Variants in GLB1L3 observed in about 807,000 individuals in gnomAD.
The protein encoded by GLB1L3 is beta-galactosidase-1-like protein 3.
GLB1L3 carries 89 observed loss-of-function variants against 89.5 expected under a neutral mutation model. That is an observed-to-expected ratio of 0.99 (90% CI 0.84 to 1.19). GLB1L3 has a LOEUF of 1.19. Ranked by LOEUF, GLB1L3 falls within the 50% of genes most tolerant of loss-of-function variation. GLB1L3 has a pLI of 0.00. For missense variants in GLB1L3, 812 were observed against 813.3 expected, an observed-to-expected ratio of 1.00 and a Z score of 0.02; for synonymous variants, 314 against 312.3, an observed-to-expected ratio of 1.01 and a Z score of -0.06.
At chr11:134,308,880 G>A (rs1280022148) in intron 10 of GLB1L3, among the ~76,000 whole-genome samples, 4 of 152,170 alleles carry the variant, frequency 2.6e-5, no homozygotes, top group Admixed American at 6.5e-5. Context: ...AAATAGTAAC[G>A]AGCACAGCCA....
At position 134,314,421 on chromosome 11, in the gene GLB1L3, G is replaced by C. The variant is rs1397531325; in HGVS notation, c.1759G>C (p.Asp587His). The change falls in exon 18 of 20, where the codon GAC (aspartate) becomes CAC (histidine). Residue 587 changes from aspartate (D) to histidine (H), a missense_variant. By Grantham distance (81) the Asp-to-His change is moderately conservative. Transcript: ENST00000431683. ...GTLKAGPSPK[D>H]TFLSLLNWNY... ...CTTGAAGGCTGGCCCTTCTCCCAAG[G>C]ACACCTTCCTGAGCCTGCTGGTAGG... is the stretch of plus-strand genomic sequence containing the variant. 1.3e-6 allele frequency: 2 copies of C among 1,550,918 alleles called. No homozygotes were observed. The highest frequency in any genetic ancestry group is 2.7e-5 in the African/African-American group (2 of 73,022).
At chr11:134,289,467 T>C (rs1423912816) in intron 7 of GLB1L3, among the ~76,000 whole-genome samples, 1 of 152,176 alleles carries the variant, frequency 6.6e-6, no homozygotes, top group Admixed American at 6.5e-5. Context: ...TTCAAACCTG[T>C]GTTGTTCAAG....
intron 9 of GLB1L3, among the ~76,000 whole-genome samples, chr11:134,302,158 T>C (rs1941977984): frequency 6.6e-6 from 1 of 152,154 alleles, no homozygotes; most frequent in Non-Finnish European, 1.5e-5. Flanking sequence ...TGTCCCAGAC[T>C]CACCTGATAC....
chr11:134,280,757 A>G (rs1044991978), intron 3 of GLB1L3, among the ~76,000 whole-genome samples: 3 of 152,208 alleles, frequency 2.0e-5, no homozygotes, highest in African/African-American at 7.2e-5. Context: ...TCTGCACTGC[A>G]CAAAATTGTG....
chr11:134,290,700 G>A (rs1304192326), intron 7 of GLB1L3, among the ~76,000 whole-genome samples: 1 of 151,920 alleles, frequency 6.6e-6, no homozygotes, highest in Non-Finnish European at 1.5e-5. Context: ...ATCTGGCCTC[G>A]TGACCATGGT....
intron 7 of GLB1L3, among the ~76,000 whole-genome samples, chr11:134,290,064 G>A (rs1385924185): frequency 6.6e-6 from 1 of 152,236 alleles, no homozygotes; most frequent in Non-Finnish European, 1.5e-5. Flanking sequence ...CCACGTGCTG[G>A]CTCCCGCGCT....
In GLB1L3 at chr11:134,314,378, G is replaced by A. The variant is rs760541405; in HGVS notation, c.1716G>A (p.Pro572=). 2.4e-5 allele frequency: 37 copies of A among 1,551,342 alleles called. No homozygotes were observed. The highest frequency in any genetic ancestry group is 5.5e-5 in the African/African-American group (4 of 72,992). Residue 572 remains proline (P), a synonymous_variant, in exon 18 of 20, where the codon CCG becomes CCA. Transcript: ENST00000431683. The part of the protein sequence containing the change: ...WKPVPDSHQG[P]AFYCGTLKAG... Reference sequence around the variant, plus strand: ...CTGTCCCAGACAGCCACCAGGGCCCGGCCTTCTACTGTGGGACCTTGAAGG... The same window carrying A: ...CTGTCCCAGACAGCCACCAGGGCCCAGCCTTCTACTGTGGGACCTTGAAGG...
At chr11:134,321,985 A>G (rs779475983), downstream of GLB1L3, among the ~76,000 whole-genome samples, 23 of 152,324 alleles carry the variant, frequency 1.5e-4, no homozygotes, top group South Asian at 6.2e-4. Context: ...ATCAGCAACC[A>G]TAGTAAATTT....
At chr11:134,299,609 T>G (rs1168846765) in intron 9 of GLB1L3, among the ~76,000 whole-genome samples, 1 of 152,186 alleles carries the variant, frequency 6.6e-6, no homozygotes, top group African/African-American at 2.4e-5. Context: ...GTGTCTGCAT[T>G]CCCCTCTGAG....
intron 16 of GLB1L3, 101 bp from the exon 17 acceptor site, chr11:134,313,838 CTG>C (rs1200796338): frequency 1.3e-6 from 1 of 758,418 alleles, no homozygotes; most frequent in Non-Finnish European, 2.3e-6. Context: ...GGCTGTGCCC[CTG>C]TCCTAAGGCA....
At chr11:134,308,343 AT>A in intron 10 of GLB1L3, among the ~76,000 whole-genome samples, 1 of 48,094 alleles carries the variant, frequency 2.1e-5, no homozygotes, top group Admixed American at 1.6e-4. Context: ...CATCACCATC[AT>A]CACCATCACC....
chr11:134,276,637 T>G lies in GLB1L3; in HGVS notation c.-104T>G. The stretch of plus-strand genomic sequence containing the variant: ...CAGGCGCAGCGCGCAGACCTGAGCC[T>G]GCCCCGCGGAACCGGGGCTCGAGTC... On this transcript the variant is annotated 5_prime_UTR_variant, in exon 1 of 20. Transcript: ENST00000431683. The G allele has an allele frequency of 9.1e-7, 1 of 1,096,976 alleles. No homozygotes were observed. The highest frequency in any genetic ancestry group is 1.2e-6 in the Non-Finnish European group (1 of 842,426). 68.0% of individuals were successfully genotyped at this position (1,096,976 alleles called of 1,614,324 possible).
downstream of GLB1L3, among the ~76,000 whole-genome samples, chr11:134,320,868 G>T (rs1943157746): frequency 6.6e-6 from 1 of 152,174 alleles, no homozygotes; most frequent in Admixed American, 6.5e-5. Context: ...AAACACTGCA[G>T]AAAGTGTCTT....
intron 3 of GLB1L3, among the ~76,000 whole-genome samples, chr11:134,278,862 T>C (rs1940527610): frequency 6.6e-6 from 1 of 152,238 alleles, no homozygotes; most frequent in Non-Finnish European, 1.5e-5. Context: ...GGGGACAATA[T>C]AGTTTTTCTT....
intron 6 of GLB1L3, 39 bp from the exon 7 acceptor site, chr11:134,288,759 A>ATAGCCTCAATCTT: frequency 1.3e-6 from 2 of 1,509,656 alleles, no homozygotes; most frequent in Admixed American, 3.6e-5. Context: ...TTTGCCCCAA[A>ATAGCCTCAATCTT]TAGCCTCACT....
At chr11:134,310,245 G>T in intron 11 of GLB1L3, 1 of 385,986 alleles carries the variant, frequency 2.6e-6, no homozygotes, top group Non-Finnish European at 4.7e-6. Flanking sequence ...AATGTTTTAA[G>T]AAAGTTTATG....
At chr11:134,278,482 C>T (rs150318707) in intron 3 of GLB1L3, among the ~76,000 whole-genome samples, 16 of 152,174 alleles carry the variant, frequency 1.1e-4, no homozygotes, top group African/African-American at 2.9e-4. Context: ...GATGGAGTTT[C>T]GCCATGTTGC....
intron 2 of GLB1L3, 46 bp from the exon 3 acceptor site, chr11:134,277,654 A>G: frequency 6.4e-7 from 1 of 1,568,316 alleles, no homozygotes; most frequent in African/African-American, 1.4e-5. Flanking sequence ...CCTCTCCCGA[A>G]TCCTCTCTCC....
At chr11:134,306,244 G>A (rs980016869) in intron 9 of GLB1L3, among the ~76,000 whole-genome samples, 16 of 152,152 alleles carry the variant, frequency 1.1e-4, no homozygotes, top group South Asian at 2.1e-4. Context: ...ATAATAGGAA[G>A]CAATGGCATA....
Sources: allele counts gnomAD v4.1 joint callset (sites outside exome capture counted in the v4.1 genomes callset), GRCh38; gene constraint gnomAD v4.1.1; transcripts MANE v1.5; gene names NCBI Gene and HGNC (gene_info 2026-07-23, HGNC 2026-07-21).